The following ADGRB3 variants were observed in gnomAD, a reference collection of about 807,000 sequenced individuals.
ADGRB3 encodes brain-specific angiogenesis inhibitor 3.
Under a neutral mutation model 193.4 loss-of-function variants are expected in ADGRB3, and 37 were observed. The ratio of observed to expected loss-of-function variants is 0.19; its 90% CI spans 0.15 to 0.25. The LOEUF is 0.25. ADGRB3 is among the 10% of genes least tolerant of loss of function. The pLI is 1.00. For synonymous variants in ADGRB3, 690 were observed against 644.2 expected, an observed-to-expected ratio of 1.07 and a Z score of -1.08; for missense variants, 1,637 against 1,852.9, an observed-to-expected ratio of 0.88 and a Z score of 2.14.
At chr6:68,683,180 G>GT (rs1441558855) in intron 3 of ADGRB3, among the ~76,000 whole-genome samples, 1 of 152,110 alleles carries the variant, frequency 6.6e-6, no homozygotes, top group Non-Finnish European at 1.5e-5. Flanking sequence ...AACATGTAAA[G>GT]TTGGGTACAT....
intron 17 of ADGRB3, among the ~76,000 whole-genome samples, chr6:69,228,583 A>G (rs534344533): frequency 1.5e-4 from 23 of 152,330 alleles, no homozygotes; most frequent in African/African-American, 5.3e-4. Context: ...TGTTAACTCC[A>G]GGCCCAACAT....
intron 31 of ADGRB3, among the ~76,000 whole-genome samples, chr6:69,383,835 C>T (rs571119607): frequency 6.6e-6 from 1 of 152,132 alleles, no homozygotes; most frequent in African/African-American, 2.4e-5. Context: ...AGCTCTTCTC[C>T]TTTGCCCAAA....
chr6:68,779,031 C>G (rs1329448501), intron 3 of ADGRB3, among the ~76,000 whole-genome samples: 1 of 151,878 alleles, frequency 6.6e-6, no homozygotes, highest in Non-Finnish European at 1.5e-5. Flanking sequence ...AAGAAATCAC[C>G]TACTCTCAGC....
intron 20 of ADGRB3, among the ~76,000 whole-genome samples, chr6:69,310,373 C>G (rs1290832856): frequency 1.3e-5 from 2 of 151,710 alleles, no homozygotes; most frequent in African/African-American, 4.8e-5. Context: ...GTGTAATATA[C>G]TGCTAATTTT....
At chr6:69,229,983 C>T (rs1185791774) in intron 17 of ADGRB3, among the ~76,000 whole-genome samples, 2 of 152,070 alleles carry the variant, frequency 1.3e-5, no homozygotes, top group African/African-American at 4.8e-5. Context: ...TTCTGTTAGC[C>T]AGGCTAATAT....
chr6:68,707,085 T>C (rs1038311019), intron 3 of ADGRB3, among the ~76,000 whole-genome samples: 9 of 132,456 alleles, frequency 6.8e-5, no homozygotes, highest in African/African-American at 2.7e-4. Context: ...CACTCCAGCC[T>C]GGGCAACAGA....
intron 3 of ADGRB3, among the ~76,000 whole-genome samples, chr6:68,847,513 C>T (rs757915192): frequency 1.3e-5 from 2 of 152,120 alleles, no homozygotes; most frequent in Non-Finnish European, 2.9e-5. Flanking sequence ...TCATGCTATT[C>T]TCATGATAGT....
intron 3 of ADGRB3, among the ~76,000 whole-genome samples, chr6:68,915,792 A>T (rs1256039622): frequency 6.6e-6 from 1 of 152,080 alleles, no homozygotes; most frequent in South Asian, 2.1e-4. Context: ...CCCAAGAAAA[A>T]AAACAAACAC....
chr6:69,034,526 C>A (rs1770808602), intron 13 of ADGRB3, among the ~76,000 whole-genome samples: 1 of 147,560 alleles, frequency 6.8e-6, no homozygotes, highest in Non-Finnish European at 1.5e-5. Flanking sequence ...ATTTATATAG[C>A]TATAAATTTA....
intron 3 of ADGRB3, among the ~76,000 whole-genome samples, chr6:68,910,351 T>G (rs1198918831): frequency 6.6e-6 from 1 of 152,212 alleles, no homozygotes; most frequent in Non-Finnish European, 1.5e-5. Flanking sequence ...TCCCATTCTG[T>G]AGGTTGCCTG....
At chr6:69,369,039 T>C (rs1190408445) in intron 29 of ADGRB3, among the ~76,000 whole-genome samples, 2 of 152,150 alleles carry the variant, frequency 1.3e-5, no homozygotes, top group African/African-American at 4.8e-5. Context: ...GATTTGTATC[T>C]TCATTAAATA....
rs1324536170 is a variant in ADGRB3, at chr6:68,641,219, T to A, written c.757+1787T>A. 2.6e-5 allele frequency among the ~76,000 whole-genome samples: 4 copies of A among 152,326 alleles called. No homozygotes were observed. The East Asian group carries it at 7.7e-4, about 29-fold the overall frequency. On this transcript the variant is annotated intron_variant, in intron 3 of 31. Transcript: ENST00000370598. ...TGACGACAGTGGAGAGTGAATTCAG[T>A]GTCACAACTCTTTTATATGAAAGGT...
chr6:68,870,700 CTG>C (rs1347456773), intron 3 of ADGRB3, among the ~76,000 whole-genome samples: 2 of 152,182 alleles, frequency 1.3e-5, no homozygotes, highest in Non-Finnish European at 2.9e-5. Context: ...CTTGCCCACT[CTG>C]TGATTCAGAG....
chr6:68,777,904 G>C (rs1265034764), intron 3 of ADGRB3, among the ~76,000 whole-genome samples: 1 of 151,924 alleles, frequency 6.6e-6, no homozygotes, highest in Non-Finnish European at 1.5e-5. Flanking sequence ...GCTGGAAAAT[G>C]CAATCTTGCT....
intron 3 of ADGRB3, among the ~76,000 whole-genome samples, chr6:68,857,955 TA>T (rs1765034478): frequency 6.6e-6 from 1 of 152,134 alleles, no homozygotes; most frequent in Admixed American, 6.5e-5. Flanking sequence ...CTGATGGTTT[TA>T]AAAATGGGAG....
At chr6:68,909,641 A>G (rs1354710233) in intron 3 of ADGRB3, among the ~76,000 whole-genome samples, 2 of 152,178 alleles carry the variant, frequency 1.3e-5, no homozygotes, top group Non-Finnish European at 2.9e-5. Context: ...TGATCATTTG[A>G]TAGTAACTTT....
Position 69,283,950 on chromosome 6 carries a change from CTG to C in ADGRB3, c.2815-40920_2815-40919del, listed in dbSNP as rs377707936. On this transcript the variant is annotated intron_variant, in intron 20 of 31. Coordinates refer to ENST00000370598, the MANE Select transcript of ADGRB3 (RefSeq NM_001704.3). ...CAGCAGCATGAGAAGTTACTATACT[CTG>C]TAAGCTCTTCCCTGAAAAGAGGAAA... Among the ~76,000 whole-genome samples, 353 of 152,286 alleles carry C rather than the reference CTG, an allele frequency of 2.3e-3. 3 individuals are homozygous for C. Among genetic ancestry groups the C allele is most frequent in the African/African-American group, 8.3e-3 (343 of 41,556 alleles).
Position 68,917,225 on chromosome 6 carries a change from A to G in ADGRB3, c.758-13334A>G, listed in dbSNP as rs529718573. ...ACAGTCAATTCCAGGAATCATAGAT[A>G]AATCCATGTAAGAATTATGTCTACA... On this transcript the variant is annotated intron_variant, in intron 3 of 31. Coordinates refer to ENST00000370598, the MANE Select transcript of ADGRB3 (RefSeq NM_001704.3). 2.6e-4 allele frequency among the ~76,000 whole-genome samples: 39 copies of G among 152,330 alleles called. No homozygotes were observed. The South Asian group carries it at 7.9e-3, about 31-fold the overall frequency.
At chr6:68,990,822 C>G (rs999369736) in intron 10 of ADGRB3, among the ~76,000 whole-genome samples, 1 of 152,090 alleles carries the variant, frequency 6.6e-6, no homozygotes, top group African/African-American at 2.4e-5. Context: ...AATTATTTAC[C>G]GTGGCAACCA....
Sources: gnomAD v4.1 joint callset for allele counts (sites outside exome capture counted in the v4.1 genomes callset) on GRCh38, gnomAD v4.1.1 for gene constraint, MANE v1.5 for transcripts, NCBI Gene and HGNC (gene_info 2026-07-23, HGNC 2026-07-21) for gene names.